SNTB2: variants seen among roughly 807,000 people sequenced by gnomAD.
The protein encoded by SNTB2 is beta-2-syntrophin.
In SNTB2, 34 loss-of-function variants were observed where a neutral mutation model predicts 46.2. That is an observed-to-expected ratio of 0.74 (90% CI 0.56 to 0.98). SNTB2 has a LOEUF of 0.98. SNTB2 is among the 50% of genes least tolerant of loss of function. SNTB2 has a pLI of 0.00. For missense variants in SNTB2, 603 were observed against 731.4 expected, an observed-to-expected ratio of 0.82 and a Z score of 2.02; for synonymous variants, 290 against 312.6, an observed-to-expected ratio of 0.93 and a Z score of 0.76.
At chr16:69,255,930 G>T (rs148684062) in intron 2 of SNTB2, among the ~76,000 whole-genome samples, 1 of 148,940 alleles carries the variant, frequency 6.7e-6, no homozygotes, top group Admixed American at 6.7e-5. Flanking sequence ...GCTCACGCCT[G>T]TAATCCCAGC....
chr16:69,298,748 C>G (rs1965250833), intron 5 of SNTB2, among the ~76,000 whole-genome samples: 1 of 152,054 alleles, frequency 6.6e-6, no homozygotes, highest in African/African-American at 2.4e-5. Flanking sequence ...TCTCTAACTC[C>G]TGACCTCAAG....
chr16:69,285,639 C>T (rs974395097), intron 5 of SNTB2, among the ~76,000 whole-genome samples: 5 of 150,026 alleles, frequency 3.3e-5, no homozygotes, highest in Non-Finnish European at 5.9e-5. Flanking sequence ...ACCACAGCAC[C>T]CAGCTAATTA....
intron 4 of SNTB2, among the ~76,000 whole-genome samples, chr16:69,275,533 A>C (rs1337725285): frequency 6.6e-6 from 1 of 152,214 alleles, no homozygotes; most frequent in East Asian, 1.9e-4. Context: ...CAATAGAATT[A>C]AGTGGGGCTT....
In SNTB2 at chr16:69,259,643, G is replaced by A. The variant is rs150184972; in HGVS notation, c.795-407G>A. On this transcript the variant is annotated intron_variant, in intron 2 of 6. Coordinates refer to ENST00000336278, the MANE Select transcript of SNTB2 (RefSeq NM_006750.4). ...TTTTGAGACGGAATCTCGCTCTGTCGCCCAGGCTGGAGTACAGTGGTGTGA... is the reference window on the plus strand; with the variant it reads ...TTTTGAGACGGAATCTCGCTCTGTCACCCAGGCTGGAGTACAGTGGTGTGA... Among the ~76,000 whole-genome samples the A allele has an allele frequency of 5.3e-3, 723 of 136,890 alleles. 5 individuals are homozygous for A. Among genetic ancestry groups the A allele is most frequent in the South Asian group, 0.026 (114 of 4,346 alleles). 89.8% of individuals were successfully genotyped at this position (136,890 alleles called of 152,430 possible).
chr16:69,225,246 T>C (rs1964447751), intron 1 of SNTB2, among the ~76,000 whole-genome samples: 1 of 152,226 alleles, frequency 6.6e-6, no homozygotes, highest in Non-Finnish European at 1.5e-5. Context: ...ATGTTCAGGA[T>C]GGAGTGGTTG....
intron 3 of SNTB2, among the ~76,000 whole-genome samples, chr16:69,265,087 A>C (rs1445425171): frequency 6.6e-6 from 1 of 152,098 alleles, no homozygotes; most frequent in Non-Finnish European, 1.5e-5. Context: ...GTCTCTACTA[A>C]AAATACAAAA....
At chr16:69,248,894 AG>A (rs1227423612) in intron 2 of SNTB2, among the ~76,000 whole-genome samples, 3 of 143,392 alleles carry the variant, frequency 2.1e-5, no homozygotes, top group Non-Finnish European at 3.0e-5. Flanking sequence ...TTTTAAAGTT[AG>A]GGGCCTTAGA....
chr16:69,236,704 G>A (rs1287866811), intron 1 of SNTB2, among the ~76,000 whole-genome samples: 1 of 151,536 alleles, frequency 6.6e-6, no homozygotes, highest in Non-Finnish European at 1.5e-5. Flanking sequence ...AGCAGCAGCA[G>A]CCACTACAGT....
chr16:69,292,368 A>ATATATAT (rs1965170098), intron 5 of SNTB2, among the ~76,000 whole-genome samples: 1 of 26,382 alleles, frequency 3.8e-5, no homozygotes, highest in East Asian at 9.7e-4. Context: ...ATATATATAT[A>ATATATAT]TATATATATA....
chr16:69,286,572 C>T (rs1263508908), intron 5 of SNTB2, among the ~76,000 whole-genome samples: 1 of 152,090 alleles, frequency 6.6e-6, no homozygotes, highest in Non-Finnish European at 1.5e-5. Context: ...GTAGCCCCAG[C>T]TACTCAGGAG....
At chr16:69,258,788 A>G (rs1964804180) in intron 2 of SNTB2, among the ~76,000 whole-genome samples, 1 of 150,820 alleles carries the variant, frequency 6.6e-6, no homozygotes. Flanking sequence ...ATTTTTGTAT[A>G]TTTTAGTAGA....
intron 1 of SNTB2, among the ~76,000 whole-genome samples, chr16:69,226,517 A>G (rs1421110753): frequency 6.6e-6 from 1 of 152,098 alleles, no homozygotes; most frequent in African/African-American, 2.4e-5. Flanking sequence ...TCCTTATGAT[A>G]GATAAGACTT....
chr16:69,229,692 A>G (rs2037050116), intron 1 of SNTB2, among the ~76,000 whole-genome samples: 2 of 150,830 alleles, frequency 1.3e-5, no homozygotes, highest in South Asian at 4.2e-4. Flanking sequence ...AAATACAAAA[A>G]TTATCTGGGC....
At position 69,229,671 on chromosome 16, in the gene SNTB2, G is replaced by A. The variant is rs189489856; in HGVS notation, c.581-15931G>A. Among the ~76,000 whole-genome samples, 4 of 150,532 alleles carry A rather than the reference G, an allele frequency of 2.7e-5. No homozygotes were observed. In the South Asian group the frequency reaches 6.3e-4, roughly 24 times the overall value. On this transcript the variant is annotated intron_variant, in intron 1 of 6. Transcript: ENST00000336278. ...TGGCCAACCAGCTTGGTGAAACCCC[G>A]TCTCTGCTAAAAATACAAAAATTAT... is the stretch of plus-strand genomic sequence containing the variant.
rs548266228 is a variant in SNTB2 at position 69,209,276 on chromosome 16, A to T, written c.580+21530A>T. 1.5e-4 allele frequency among the ~76,000 whole-genome samples: 23 copies of T among 152,224 alleles called. No homozygotes were observed. The South Asian group carries it at 3.9e-3, about 26-fold the overall frequency. ...CTGGCCAAATTTTTGAATGTTTTAT[A>T]TCAACTTTTAGGTTCTCTTTCCCAT... On this transcript the variant is annotated intron_variant, in intron 1 of 6. Transcript: ENST00000336278.
intron 1 of SNTB2, among the ~76,000 whole-genome samples, chr16:69,197,990 A>T (rs567724306): frequency 6.6e-6 from 1 of 152,100 alleles, no homozygotes; most frequent in Non-Finnish European, 1.5e-5. Context: ...GCAAATACAA[A>T]TTCTGCTAAA....
At chr16:69,234,151 C>G (rs528450780) in intron 1 of SNTB2, among the ~76,000 whole-genome samples, 1 of 152,260 alleles carries the variant, frequency 6.6e-6, no homozygotes, top group Non-Finnish European at 1.5e-5. Flanking sequence ...GGCAACATGG[C>G]GAAACCCTGT....
chr16:69,202,509 C>T (rs1228514412), intron 1 of SNTB2, among the ~76,000 whole-genome samples: 1 of 151,672 alleles, frequency 6.6e-6, no homozygotes, highest in East Asian at 1.9e-4. Flanking sequence ...CTCAGGTGAT[C>T]CTCCCACCTC....
At chr16:69,265,832 A>ATT in intron 3 of SNTB2, among the ~76,000 whole-genome samples, 1 of 137,894 alleles carries the variant, frequency 7.3e-6, no homozygotes, top group Non-Finnish European at 1.5e-5. Flanking sequence ...GTGCCAAAGA[A>ATT]AAAAAAAAAA....
Sources: gnomAD v4.1 joint callset for allele counts (sites outside exome capture counted in the v4.1 genomes callset) on GRCh38, gnomAD v4.1.1 for gene constraint, MANE v1.5 for transcripts, NCBI Gene and HGNC (gene_info 2026-07-23, HGNC 2026-07-21) for gene names.